The following RGS7 variants were observed in gnomAD, a reference collection of about 807,000 sequenced individuals.
RGS7 encodes the protein regulator of G-protein signaling 7.
A neutral mutation model predicts 81.1 loss-of-function variants in RGS7; 27 were observed. The ratio of observed to expected loss-of-function variants is 0.33; its 90% CI spans 0.25 to 0.46. The LOEUF (loss-of-function observed/expected upper bound fraction) is 0.46, where lower values mean the gene tolerates loss of function less well. Ranked by LOEUF, RGS7 falls within the 20% of genes least tolerant of loss-of-function variation. The pLI is 1.00. For synonymous variants in RGS7, 208 were observed against 207.7 expected (o/e 1.00, Z -0.01); for missense variants, 396 against 607.4 (o/e 0.65, Z 3.66).
intron 2 of RGS7, among the ~76,000 whole-genome samples, chr1:241,226,046 T>C (rs145547921): frequency 6.6e-6 from 1 of 152,266 alleles, no homozygotes; most frequent in Non-Finnish European, 1.5e-5. Context: ...CTGCTGCATC[T>C]GCAAAAGCAG....
At chr1:241,135,118 C>G (rs1042915900) in intron 2 of RGS7, among the ~76,000 whole-genome samples, 3 of 152,142 alleles carry the variant, frequency 2.0e-5, no homozygotes, top group South Asian at 2.1e-4. Flanking sequence ...CGCCTGTGCC[C>G]AGGCGCTCAT....
rs59191728 is a variant in RGS7 at position 241,195,476 on chromosome 1, A to AAAATAAAT, written c.79-96722_79-96715dup. On this transcript the variant is annotated intron_variant, in intron 2 of 18. Transcript: ENST00000440928. Reference sequence around the variant, plus strand: ...GGGTGAAAAGAGCAAGACTCCATCTAAAATAAATAAATAAATAAATAAATA... The same window carrying AAAATAAAT: ...GGGTGAAAAGAGCAAGACTCCATCTAAAATAAATAAATAAATAAATAAATAAATAAATA... Among the ~76,000 whole-genome samples the AAAATAAAT allele has an allele frequency of 1.8e-3, 268 of 152,026 alleles. 2 individuals carry two copies. Among genetic ancestry groups the AAAATAAAT allele is most frequent in the African/African-American group, 6.0e-3 (250 of 41,466 alleles).
intron 3 of RGS7, among the ~76,000 whole-genome samples, chr1:241,014,056 G>A (rs761046016): frequency 9.2e-5 from 14 of 152,216 alleles, no homozygotes; most frequent in Non-Finnish European, 1.8e-4. Context: ...AAATGGTGGT[G>A]ATGGTCAATT....
At chr1:240,993,245 A>G (rs1686775433) in intron 3 of RGS7, among the ~76,000 whole-genome samples, 1 of 151,254 alleles carries the variant, frequency 6.6e-6, no homozygotes, top group Admixed American at 6.6e-5. Flanking sequence ...AGAAAGAAAG[A>G]GAGGAAAGAA....
At chr1:241,307,876 A>G (rs2080272601) in intron 2 of RGS7, among the ~76,000 whole-genome samples, 1 of 152,240 alleles carries the variant, frequency 6.6e-6, no homozygotes, top group African/African-American at 2.4e-5. Flanking sequence ...GGGTGTCCTC[A>G]GCCAAAGTCA....
intron 2 of RGS7, among the ~76,000 whole-genome samples, chr1:241,250,992 C>T (rs1394575837): frequency 6.6e-6 from 1 of 152,150 alleles, no homozygotes; most frequent in African/African-American, 2.4e-5. Flanking sequence ...CAGTAAGTGT[C>T]CTTAATTGAT....
In RGS7 at chr1:240,915,891, G is replaced by A. The variant is rs116757491; in HGVS notation, c.385+14826C>T. 3.8e-3 allele frequency among the ~76,000 whole-genome samples: 577 copies of A among 152,154 alleles called. 7 individuals are homozygous for A. The highest frequency in any genetic ancestry group is 0.014 in the African/African-American group (564 of 41,542). ...GTTCATCAATAGACTGGACATGATT[G>A]AGGAAAGAATCAGTAGAGTTTGGAC... On this transcript the variant is annotated intron_variant, in intron 6 of 18. Coordinates refer to ENST00000440928, the MANE Select transcript of RGS7 (RefSeq NM_001364886.1).
At chr1:241,101,693 T>A (rs371696988) in intron 2 of RGS7, among the ~76,000 whole-genome samples, 1 of 152,228 alleles carries the variant, frequency 6.6e-6, no homozygotes, top group South Asian at 2.1e-4. Flanking sequence ...TATTTGTTCA[T>A]GACTGACCTG....
At chr1:241,161,137 C>T (rs2069624616) in intron 2 of RGS7, among the ~76,000 whole-genome samples, 1 of 152,080 alleles carries the variant, frequency 6.6e-6, no homozygotes, top group African/African-American at 2.4e-5. Context: ...TTACATCATT[C>T]CAAGGTTGTG....
At chr1:241,140,482 T>A (rs998385478) in intron 2 of RGS7, among the ~76,000 whole-genome samples, 63 of 152,236 alleles carry the variant, frequency 4.1e-4, no homozygotes, top group African/African-American at 1.5e-3. Context: ...TTGCCCAGGC[T>A]GATCTCGAAC....
intron 2 of RGS7, among the ~76,000 whole-genome samples, chr1:241,154,166 T>C (rs1223567133): frequency 3.3e-5 from 5 of 152,136 alleles, no homozygotes; most frequent in Non-Finnish European, 7.4e-5. Context: ...CAGATACTGA[T>C]TAGTGCCATG....
At chr1:240,893,119 T>C (rs764019223) in intron 6 of RGS7, among the ~76,000 whole-genome samples, 14 of 152,128 alleles carry the variant, frequency 9.2e-5, no homozygotes, top group Admixed American at 5.9e-4. Context: ...TCCAGTGAAA[T>C]AGACAGCTGA....
chr1:241,328,426 C>T (rs544905416), intron 2 of RGS7, among the ~76,000 whole-genome samples: 75 of 152,352 alleles, frequency 4.9e-4, no homozygotes, highest in Non-Finnish European at 1.3e-4. Flanking sequence ...TGCTTAGCTA[C>T]AAGAAACTAC....
At chr1:240,781,296 G>A (rs1464779172) in intron 18 of RGS7, among the ~76,000 whole-genome samples, 3 of 152,206 alleles carry the variant, frequency 2.0e-5, no homozygotes, top group Non-Finnish European at 4.4e-5. Flanking sequence ...AAACATACAG[G>A]TGTATTTTAA....
rs1191866242 is a variant in RGS7 at position 241,271,199 on chromosome 1, C to T, written c.78+84500G>A. On this transcript the variant is annotated intron_variant, in intron 2 of 18. Transcript: ENST00000440928. This position sits in a 1 kb window ranked among gnomAD's most constrained non-coding sequence, Gnocchi z 4.6. Reference sequence around the variant, plus strand: ...CTTTATAATGTGGAGCTAAACAGTTCAAAATCTTGAACAGATCTTATCACC... The same window carrying T: ...CTTTATAATGTGGAGCTAAACAGTTTAAAATCTTGAACAGATCTTATCACC... Among the ~76,000 whole-genome samples, 1 of 152,102 alleles carries T rather than the reference C, an allele frequency of 6.6e-6. No homozygotes were observed. The highest frequency in any genetic ancestry group is 1.5e-5 in the Non-Finnish European group (1 of 68,014).
At chr1:241,339,173 T>C (rs573854015) in intron 2 of RGS7, among the ~76,000 whole-genome samples, 103 of 152,340 alleles carry the variant, frequency 6.8e-4, no homozygotes, top group African/African-American at 2.5e-3. Flanking sequence ...TCTGCTGAGA[T>C]TGATGGCTTC....
chr1:241,352,621 C>G (rs1289003418), intron 2 of RGS7, among the ~76,000 whole-genome samples: 2 of 152,300 alleles, frequency 1.3e-5, no homozygotes, highest in East Asian at 3.9e-4. Context: ...TAATCCGGAT[C>G]ATGAAGCAAC....
In RGS7 at chr1:241,259,667, A is replaced by AAAAAATATATATAT; in HGVS notation, c.78+96031_78+96032insATATATATATTTTT. Among the ~76,000 whole-genome samples, 357 of 49,022 alleles carry AAAAAATATATATAT rather than the reference A, an allele frequency of 7.3e-3. 14 individuals carry two copies. Among genetic ancestry groups the AAAAAATATATATAT allele is most frequent in the African/African-American group, 0.027 (340 of 12,474 alleles). The allele number at this position is 49,022 out of a possible 152,430, so 32.2% of individuals were successfully genotyped here. On this transcript the variant is annotated intron_variant, in intron 2 of 18. Coordinates refer to ENST00000440928, the MANE Select transcript of RGS7 (RefSeq NM_001364886.1). ...CTCCGTCTCAAAAAAAAAAAAAAAA[A>AAAAAATATATATAT]ATATATATATATATATATAATTAAA...
intron 2 of RGS7, among the ~76,000 whole-genome samples, chr1:241,257,762 C>T (rs1028509204): frequency 2.4e-4 from 36 of 152,188 alleles, no homozygotes; most frequent in African/African-American, 8.4e-4. Context: ...TACATTGCCT[C>T]ATAGATAAGG....
Sources: allele counts gnomAD v4.1 joint callset (sites outside exome capture counted in the v4.1 genomes callset), GRCh38; gene constraint gnomAD v4.1.1; non-coding constraint Gnocchi (gnomAD v3.1); transcripts MANE v1.5; gene names NCBI Gene and HGNC (gene_info 2026-07-23, HGNC 2026-07-21).